Variants in ASAP1 observed in about 807,000 individuals in gnomAD.
The protein encoded by ASAP1 is arf-GAP with SH3 domain, ANK repeat and PH domain-containing protein 1.
ASAP1 carries 43 observed loss-of-function variants against 145.2 expected under a neutral mutation model. The observed-to-expected ratio is 0.30, with a 90% confidence interval of 0.23 to 0.38. The LOEUF (loss-of-function observed/expected upper bound fraction) is 0.38, where lower values mean the gene tolerates loss of function less well. Among genes scored for constraint, ASAP1 ranks in the 10% least tolerant of loss-of-function variants. ASAP1 has a pLI of 1.00. For missense variants in ASAP1, 1,018 were observed against 1,355.3 expected (o/e 0.75, Z 3.91); for synonymous variants, 546 against 515.5 (o/e 1.06, Z -0.80).
intron 2 of ASAP1, among the ~76,000 whole-genome samples, chr8:130,390,201 C>G (rs1412550987): frequency 1.3e-5 from 2 of 152,200 alleles, no homozygotes; most frequent in Non-Finnish European, 1.5e-5. Flanking sequence ...TAGCCACTAC[C>G]TATAGCTAAC....
chr8:130,166,752 G>A (rs146550363), intron 11 of ASAP1, among the ~76,000 whole-genome samples: 3 of 152,080 alleles, frequency 2.0e-5, no homozygotes, highest in Non-Finnish European at 2.9e-5. Flanking sequence ...TATAACTAAG[G>A]ATCTGTACTG....
chr8:130,276,638 T>C (rs965702028), intron 3 of ASAP1, among the ~76,000 whole-genome samples: 5 of 147,182 alleles, frequency 3.4e-5, no homozygotes, highest in African/African-American at 5.1e-5. Flanking sequence ...CCAAATGGAT[T>C]TGTGATTGGG....
At chr8:130,330,766 T>C (rs997936375) in intron 3 of ASAP1, among the ~76,000 whole-genome samples, 2 of 152,226 alleles carry the variant, frequency 1.3e-5, no homozygotes, top group African/African-American at 4.8e-5. Flanking sequence ...CATTTATCTT[T>C]TGTTGCCTTC....
intron 12 of ASAP1, among the ~76,000 whole-genome samples, chr8:130,157,366 G>A (rs1472347351): frequency 3.9e-5 from 6 of 152,148 alleles, no homozygotes; most frequent in Admixed American, 1.3e-4. Context: ...ATATCAGCAA[G>A]TCCTGCTGCC....
intron 3 of ASAP1, among the ~76,000 whole-genome samples, chr8:130,251,010 C>T (rs890848957): frequency 1.3e-5 from 2 of 152,124 alleles, no homozygotes; most frequent in Admixed American, 6.6e-5. Flanking sequence ...CAATTCCCAA[C>T]AAAGATAAAG....
chr8:130,165,175 T>C (rs1156955949), intron 11 of ASAP1, among the ~76,000 whole-genome samples: 1 of 152,234 alleles, frequency 6.6e-6, no homozygotes, highest in Non-Finnish European at 1.5e-5. Context: ...CTTTGTTCTT[T>C]AGCTAGCATG....
At position 130,169,074 on chromosome 8, in the gene ASAP1, T is replaced by G; in HGVS notation, c.747-7A>C. ...CAAGCCATCTTGAAAGAAACTACAA[T>G]TAAAAAAATCAGAGATTTACCACCA... On this transcript the variant is annotated splice_polypyrimidine_tract_variant and splice_region_variant and intron_variant, in intron 9 of 29. Coordinates refer to ENST00000518721, the MANE Select transcript of ASAP1 (RefSeq NM_018482.4). 3 of 1,532,878 alleles carry G rather than the reference T, an allele frequency of 2.0e-6. No individual in the cohort carries two copies. The highest frequency in any genetic ancestry group is 2.6e-6 in the Non-Finnish European group (3 of 1,137,800). 95.0% of individuals were successfully genotyped at this position (1,532,878 alleles called of 1,614,324 possible). A position where few individuals can be genotyped will look rare whatever the true frequency, so the allele number is the denominator to read the frequency against.
At chr8:130,182,683 T>C (rs1377476745) in intron 7 of ASAP1, among the ~76,000 whole-genome samples, 1 of 151,198 alleles carries the variant, frequency 6.6e-6, no homozygotes, top group Non-Finnish European at 1.5e-5. Flanking sequence ...AAAATGAAAG[T>C]GAGAGTGAAA....
At chr8:130,225,569 T>C (rs1197781816) in intron 4 of ASAP1, among the ~76,000 whole-genome samples, 2 of 152,230 alleles carry the variant, frequency 1.3e-5, no homozygotes, top group Non-Finnish European at 1.5e-5. Flanking sequence ...CTATTTCAGA[T>C]GGCCTATAGA....
intron 5 of ASAP1, among the ~76,000 whole-genome samples, chr8:130,201,986 C>T (rs1487724448): frequency 3.9e-5 from 6 of 152,162 alleles, no homozygotes; most frequent in Admixed American, 2.6e-4. Flanking sequence ...GGGCTTACCA[C>T]GTACTAGGGT....
At chr8:130,351,229 A>C (rs1825974963) in intron 3 of ASAP1, among the ~76,000 whole-genome samples, 1 of 152,258 alleles carries the variant, frequency 6.6e-6, no homozygotes, top group Non-Finnish European at 1.5e-5. Context: ...CATAAAAGAC[A>C]GTGAAATACA....
At chr8:130,087,921 A>AGG (rs1449338874) in intron 25 of ASAP1, among the ~76,000 whole-genome samples, 1 of 152,122 alleles carries the variant, frequency 6.6e-6, no homozygotes, top group Non-Finnish European at 1.5e-5. Flanking sequence ...TGGCCAAGAC[A>AGG]GGGGTTTGAG....
intron 2 of ASAP1, among the ~76,000 whole-genome samples, chr8:130,366,886 C>CTTTTTTT (rs905755447): frequency 6.0e-5 from 6 of 99,196 alleles, no homozygotes; most frequent in East Asian, 2.8e-4. Context: ...TGCTAGATTC[C>CTTTTTTT]TTTTTTTTTT....
At chr8:130,439,951 T>C (rs1051620503) in intron 1 of ASAP1, among the ~76,000 whole-genome samples, 2 of 152,304 alleles carry the variant, frequency 1.3e-5, no homozygotes, top group South Asian at 4.1e-4. Flanking sequence ...ATTTTCTCCA[T>C]GAGCATAATC....
At chr8:130,324,978 C>A (rs1030265049) in intron 3 of ASAP1, among the ~76,000 whole-genome samples, 4 of 152,192 alleles carry the variant, frequency 2.6e-5, no homozygotes, top group Non-Finnish European at 4.4e-5. Flanking sequence ...AAGGAACCCC[C>A]AAAACCCAGA....
chr8:130,273,048 C>A (rs550560208), intron 3 of ASAP1, among the ~76,000 whole-genome samples: 1 of 152,156 alleles, frequency 6.6e-6, no homozygotes, highest in South Asian at 2.1e-4. Flanking sequence ...TGATGGATAC[C>A]CTAAATACCC....
chr8:130,208,757 T>G (rs918657044), intron 5 of ASAP1: 15 of 152,192 alleles, frequency 9.9e-5, no homozygotes, highest in African/African-American at 3.6e-4. Flanking sequence ...CTGCCAATGA[T>G]GAGGAATTCA....
At chr8:130,119,246 A>C (rs544564897) in intron 18 of ASAP1, among the ~76,000 whole-genome samples, 1 of 152,114 alleles carries the variant, frequency 6.6e-6, no homozygotes, top group Non-Finnish European at 1.5e-5. Flanking sequence ...GTACCCGGCC[A>C]TAACTCTCTA....
intron 17 of ASAP1, 141 bp from the exon 18 acceptor site, chr8:130,124,245 T>A: frequency 1.6e-6 from 1 of 642,998 alleles, no homozygotes; most frequent in Non-Finnish European, 2.6e-6. Flanking sequence ...CCATCTGGTC[T>A]ACAAATATTT....
Sources: gnomAD v4.1 joint callset for allele counts (sites outside exome capture counted in the v4.1 genomes callset) on GRCh38, gnomAD v4.1.1 for gene constraint, MANE v1.5 for transcripts, NCBI Gene and HGNC (gene_info 2026-07-23, HGNC 2026-07-21) for gene names.